CADPS2: variants seen among roughly 807,000 people sequenced by gnomAD.
The protein encoded by CADPS2 is calcium dependent secretion activator 2.
CADPS2 carries 93 observed loss-of-function variants against 172.5 expected under a neutral mutation model. The ratio of observed to expected loss-of-function variants is 0.54; its 90% CI spans 0.46 to 0.64. The LOEUF (loss-of-function observed/expected upper bound fraction) is 0.64, where lower values mean the gene tolerates loss of function less well. Ranked by LOEUF, CADPS2 falls within the 30% of genes least tolerant of loss-of-function variation. The pLI is 0.00. For synonymous variants in CADPS2, 546 were observed against 555.2 expected, an observed-to-expected ratio of 0.98 and a Z score of 0.23; for missense variants, 1,420 against 1,565.9, an observed-to-expected ratio of 0.91 and a Z score of 1.57.
At chr7:122,737,875 C>A (rs1160591940) in intron 1 of CADPS2, among the ~76,000 whole-genome samples, 1 of 152,056 alleles carries the variant, frequency 6.6e-6, no homozygotes, top group African/African-American at 2.4e-5. Context: ...AGAACGTACC[C>A]TAAGAAAGAT....
In CADPS2 at chr7:122,386,289, A is replaced by G. The variant is rs74548409; in HGVS notation, c.3312+737T>C. The G allele has an allele frequency of 1.7e-4, 245 of 1,442,048 alleles. No individual in the cohort carries two copies. The African/African-American group carries it at 3.2e-3, about 19-fold the overall frequency. The allele number at this position is 1,442,048 out of a possible 1,614,324, so 89.3% of individuals were successfully genotyped here. A position where few individuals can be genotyped will look rare whatever the true frequency, so the allele number is the denominator to read the frequency against. ...ATGTGCTTTTAGAAAAAAAAATGAG[A>G]CTTACCCATTGACTACCAAACTGGA... On this transcript the variant is annotated intron_variant, in intron 24 of 29. Coordinates refer to ENST00000449022, the MANE Select transcript of CADPS2 (RefSeq NM_017954.11).
At chr7:122,847,322 A>C (rs2141024582) in intron 1 of CADPS2, among the ~76,000 whole-genome samples, 1 of 152,262 alleles carries the variant, frequency 6.6e-6, no homozygotes, top group African/African-American at 2.4e-5. Context: ...CCTGAGCTCA[A>C]GCAATCCTCC....
intron 11 of CADPS2, among the ~76,000 whole-genome samples, chr7:122,489,460 A>C (rs1471920762): frequency 6.6e-6 from 1 of 152,168 alleles, no homozygotes; most frequent in African/African-American, 2.4e-5. Flanking sequence ...AGTGATTATC[A>C]AAGCTAGGTT....
intron 24 of CADPS2, 30 bp from the exon 25 acceptor site, chr7:122,379,472 T>C: frequency 2.1e-6 from 3 of 1,456,672 alleles, no homozygotes; most frequent in Non-Finnish European, 1.9e-6. Flanking sequence ...AACTCATTAG[T>C]TGACATGGAC....
At chr7:122,428,438 C>T (rs2049434433) in intron 17 of CADPS2, among the ~76,000 whole-genome samples, 1 of 148,588 alleles carries the variant, frequency 6.7e-6, no homozygotes, top group Non-Finnish European at 1.5e-5. Context: ...TATACCTATA[C>T]ATATATATAC....
intron 8 of CADPS2, among the ~76,000 whole-genome samples, chr7:122,553,094 A>C (rs1285626023): frequency 1.3e-5 from 2 of 152,168 alleles, no homozygotes; most frequent in East Asian, 3.9e-4. Flanking sequence ...CTCAAAAGTC[A>C]GGTGTCCTGT....
intron 25 of CADPS2, among the ~76,000 whole-genome samples, chr7:122,374,681 C>T (rs536438023): frequency 6.6e-6 from 1 of 152,088 alleles, no homozygotes; most frequent in South Asian, 2.1e-4. Context: ...AACGAGAAAA[C>T]ATGGACACAG....
chr7:122,558,201 G>GT (rs200836860), intron 7 of CADPS2, among the ~76,000 whole-genome samples: 125 of 151,136 alleles, frequency 8.3e-4, no homozygotes, highest in South Asian at 1.9e-3. Flanking sequence ...ATGAAGAATT[G>GT]TTTTTTTTTA....
intron 3 of CADPS2, among the ~76,000 whole-genome samples, chr7:122,636,522 A>G (rs1192368496): frequency 7.2e-6 from 1 of 139,828 alleles, no homozygotes; most frequent in Non-Finnish European, 1.5e-5. Flanking sequence ...CTGGAGTGCA[A>G]TGGTGCAATC....
At chr7:122,727,971 T>C (rs971366155) in intron 2 of CADPS2, among the ~76,000 whole-genome samples, 2 of 151,914 alleles carry the variant, frequency 1.3e-5, no homozygotes, top group Admixed American at 1.3e-4. Flanking sequence ...TCTATGAATG[T>C]GTTGACATTT....
At chr7:122,636,210 GTA>G (rs1213085028) in intron 3 of CADPS2, among the ~76,000 whole-genome samples, 1 of 152,092 alleles carries the variant, frequency 6.6e-6, no homozygotes, top group African/African-American at 2.4e-5. Flanking sequence ...GTGTGCCTAA[GTA>G]TGTTTTTGTG....
At chr7:122,720,503 CGT>C (rs1198615191) in intron 2 of CADPS2, among the ~76,000 whole-genome samples, 1 of 149,098 alleles carries the variant, frequency 6.7e-6, no homozygotes, top group Non-Finnish European at 1.5e-5. Context: ...TATGTATATA[CGT>C]ATAAGTATAT....
rs149704350 is a variant in CADPS2 at position 122,397,861 on chromosome 7, G to C, written c.2747-4279C>G. 9.8e-3 allele frequency among the ~76,000 whole-genome samples: 1,495 copies of C among 152,286 alleles called. 19 individuals carry two copies. The highest frequency in any genetic ancestry group is 0.034 in the African/African-American group (1,423 of 41,566). On this transcript the variant is annotated intron_variant, in intron 20 of 29. Transcript: ENST00000449022. ...CTTCTGACACCATACTCAAGTATGAGAGAGTGAAAAGGGCTGCTCAGAATG... is the reference window on the plus strand; with the variant it reads ...CTTCTGACACCATACTCAAGTATGACAGAGTGAAAAGGGCTGCTCAGAATG...
intron 1 of CADPS2, among the ~76,000 whole-genome samples, chr7:122,758,285 A>ATCC (rs1390338797): frequency 2.6e-5 from 4 of 152,202 alleles, no homozygotes; most frequent in Non-Finnish European, 5.9e-5. Flanking sequence ...GGTATTATGT[A>ATCC]TCCATCTCAG....
intron 7 of CADPS2, among the ~76,000 whole-genome samples, chr7:122,575,380 G>A (rs1015659243): frequency 7.3e-5 from 11 of 151,642 alleles, no homozygotes. Flanking sequence ...TAGGTGTAAT[G>A]AAGAAATTGA....
chr7:122,650,656 A>G (rs917201713), intron 3 of CADPS2, among the ~76,000 whole-genome samples: 1 of 152,222 alleles, frequency 6.6e-6, no homozygotes, highest in African/African-American at 2.4e-5. Context: ...GAATATTCTT[A>G]TGTAACTCTT....
At position 122,810,979 on chromosome 7, in the gene CADPS2, A is replaced by C. The variant is rs538750740; in HGVS notation, c.340-73911T>G. On this transcript the variant is annotated intron_variant, in intron 1 of 29. Coordinates refer to ENST00000449022, the MANE Select transcript of CADPS2 (RefSeq NM_017954.11). ...TTAATGTGTTAGATGTTGGCAACTA[A>C]TATATTCTAGTGCTTGTATAAACTA... Among the ~76,000 whole-genome samples the C allele has an allele frequency of 1.1e-4, 16 of 152,346 alleles. No individual in the cohort carries two copies. In the East Asian group the frequency reaches 2.9e-3, roughly 28 times the overall value.
intron 20 of CADPS2, among the ~76,000 whole-genome samples, chr7:122,399,005 T>G (rs1417381085): frequency 1.3e-5 from 2 of 152,172 alleles, no homozygotes; most frequent in African/African-American, 4.8e-5. Context: ...TATTTGGTAA[T>G]ATTAATGTAT....
intron 8 of CADPS2, among the ~76,000 whole-genome samples, chr7:122,549,749 A>G (rs2064019248): frequency 6.6e-6 from 1 of 152,154 alleles, no homozygotes; most frequent in South Asian, 2.1e-4. Flanking sequence ...AAGTAGACCT[A>G]CACATACATA....
Sources: gnomAD v4.1 joint callset for allele counts (sites outside exome capture counted in the v4.1 genomes callset) on GRCh38, gnomAD v4.1.1 for gene constraint, MANE v1.5 for transcripts, NCBI Gene and HGNC (gene_info 2026-07-23, HGNC 2026-07-21) for gene names.